Variants in MAPK10 observed in about 807,000 individuals in gnomAD.
MAPK10 encodes the protein JNK3 alpha protein kinase.
Under a neutral mutation model 59.3 loss-of-function variants are expected in MAPK10, and 25 were observed. The observed-to-expected ratio is 0.42, with a 90% confidence interval of 0.31 to 0.59. The LOEUF is 0.59. Ranked by LOEUF, MAPK10 falls within the 20% of genes least tolerant of loss-of-function variation. The pLI is 0.15. For synonymous variants in MAPK10, 190 were observed against 200.5 expected (o/e 0.95, Z 0.44); for missense variants, 351 against 568.9 (o/e 0.62, Z 3.90).
At chr4:86,180,413 A>G (rs1562774173) in intron 3 of MAPK10, among the ~76,000 whole-genome samples, 1 of 151,748 alleles carries the variant, frequency 6.6e-6, no homozygotes, top group East Asian at 1.9e-4. Flanking sequence ...CACTATGGAG[A>G]ACAGTATATA....
intron 1 of MAPK10, among the ~76,000 whole-genome samples, chr4:86,524,502 C>T (rs951469724): frequency 6.6e-6 from 1 of 152,176 alleles, no homozygotes; most frequent in South Asian, 2.1e-4. Context: ...TCTTCTCCCA[C>T]AATAATTTCA....
intron 2 of MAPK10, among the ~76,000 whole-genome samples, chr4:86,266,820 T>C (rs546268901): frequency 7.2e-5 from 11 of 152,208 alleles, no homozygotes; most frequent in Non-Finnish European, 7.4e-5. Context: ...ACCTAGGCAG[T>C]ATAAGATATT....
intron 2 of MAPK10, chr4:86,327,261 C>T (rs1336259044): frequency 2.0e-5 from 3 of 152,084 alleles, no homozygotes; most frequent in East Asian, 1.9e-4. Context: ...AGGCATGAGC[C>T]GCTGTGCCCA....
chr4:86,239,332 G>A (rs1206466058), intron 2 of MAPK10, among the ~76,000 whole-genome samples: 1 of 152,158 alleles, frequency 6.6e-6, no homozygotes, highest in African/African-American at 2.4e-5. Flanking sequence ...TCTTTTACAG[G>A]TTTTGGTATC....
intron 1 of MAPK10, among the ~76,000 whole-genome samples, chr4:86,469,252 A>C (rs1216324988): frequency 6.6e-6 from 1 of 152,198 alleles, no homozygotes; most frequent in African/African-American, 2.4e-5. Context: ...TTGTCTCAAA[A>C]AAACAAAACA....
intron 1 of MAPK10, among the ~76,000 whole-genome samples, chr4:86,368,585 A>C (rs1040521281): frequency 3.3e-5 from 5 of 152,178 alleles, no homozygotes; most frequent in African/African-American, 1.2e-4. Flanking sequence ...TACTATTAGA[A>C]TTCAACGGTA....
intron 1 of MAPK10, among the ~76,000 whole-genome samples, chr4:86,449,900 G>T (rs1356081098): frequency 6.6e-6 from 1 of 152,152 alleles, no homozygotes; most frequent in Non-Finnish European, 1.5e-5. Context: ...CTGGCTAATT[G>T]CCAGCAACAA....
At chr4:86,508,658 T>C (rs80240925) in intron 1 of MAPK10, among the ~76,000 whole-genome samples, 1 of 152,338 alleles carries the variant, frequency 6.6e-6, no homozygotes, top group East Asian at 1.9e-4. Context: ...GTAAATGATT[T>C]GGCTCTTTTT....
Position 86,494,842 on chromosome 4 carries a change from C to CA in MAPK10, c.-263+99067dup, listed in dbSNP as rs567947232. On this transcript the variant is annotated intron_variant, in intron 1 of 4. Coordinates refer to the MAPK10 transcript ENST00000502302. ...TGGGCGACAGAGAGAGACTCCGTCT[C>CA]AAAAAAAAAAAAAAAAAAAAAAAAA... is the stretch of plus-strand genomic sequence containing the variant. 4.9e-3 allele frequency among the ~76,000 whole-genome samples: 117 copies of CA among 23,984 alleles called. 42 individuals are homozygous for CA. Among genetic ancestry groups the CA allele is most frequent in the South Asian group, 7.2e-3 (2 of 278 alleles). The allele number at this position is 23,984 out of a possible 152,430, so 15.7% of individuals were successfully genotyped here.
intron 11 of MAPK10, among the ~76,000 whole-genome samples, chr4:86,053,660 C>G (rs3822037): frequency 0.94 from 143,389 of 152,208 alleles, 67,665 homozygotes; most frequent in Non-Finnish European, 0.96. Context: ...TAGAAGGAAT[C>G]CTAAAAAAGA....
intron 4 of MAPK10, among the ~76,000 whole-genome samples, chr4:86,121,993 T>C (rs1352432842): frequency 6.6e-6 from 1 of 152,132 alleles, no homozygotes; most frequent in Non-Finnish European, 1.5e-5. Context: ...AATCCTGCCA[T>C]TTAGTTCATC....
chr4:86,137,113 T>C (rs1458341600), intron 4 of MAPK10, among the ~76,000 whole-genome samples: 2 of 150,476 alleles, frequency 1.3e-5, no homozygotes, highest in African/African-American at 2.5e-5. Context: ...ACTGTCAACA[T>C]TAGACAGATC....
intron 4 of MAPK10, among the ~76,000 whole-genome samples, chr4:86,156,176 T>C (rs2067710235): frequency 6.6e-6 from 1 of 152,084 alleles, no homozygotes; most frequent in Non-Finnish European, 1.5e-5. Context: ...TGGATATATA[T>C]TCCATTTAAG....
chr4:86,482,730 T>C (rs1753701849), intron 1 of MAPK10, among the ~76,000 whole-genome samples: 1 of 152,162 alleles, frequency 6.6e-6, no homozygotes, highest in Non-Finnish European at 1.5e-5. Context: ...TTAAAACTGT[T>C]CATCCTGCCA....
intron 4 of MAPK10, among the ~76,000 whole-genome samples, chr4:86,114,010 T>C (rs2057937006): frequency 6.6e-6 from 1 of 152,220 alleles, no homozygotes; most frequent in African/African-American, 2.4e-5. Context: ...TATTTGGCTA[T>C]TGATACTTGT....
At chr4:86,071,318 A>T (rs1303496721) in intron 9 of MAPK10, among the ~76,000 whole-genome samples, 1 of 133,562 alleles carries the variant, frequency 7.5e-6, no homozygotes, top group African/African-American at 3.0e-5. Flanking sequence ...GTAGGTTGCG[A>T]ACATTTTCTC....
intron 2 of MAPK10, among the ~76,000 whole-genome samples, chr4:86,198,822 A>T (rs1213873630): frequency 6.6e-6 from 1 of 151,870 alleles, no homozygotes; most frequent in African/African-American, 2.4e-5. Flanking sequence ...ATACATATAA[A>T]CAGTGAAAAA....
chr4:86,062,091 T>C (rs796602586), intron 11 of MAPK10, among the ~76,000 whole-genome samples: 7 of 152,266 alleles, frequency 4.6e-5, no homozygotes, highest in African/African-American at 1.2e-4. Context: ...ACCACTGTAA[T>C]GCACTTCATA....
At chr4:86,475,555 C>G (rs1034493007) in intron 1 of MAPK10, among the ~76,000 whole-genome samples, 1 of 152,132 alleles carries the variant, frequency 6.6e-6, no homozygotes, top group Non-Finnish European at 1.5e-5. Flanking sequence ...GCGCCGGTCA[C>G]GGACTCGGGA....
Sources: allele counts gnomAD v4.1 joint callset (sites outside exome capture counted in the v4.1 genomes callset), GRCh38; gene constraint gnomAD v4.1.1; transcripts MANE v1.5; gene names NCBI Gene and HGNC (gene_info 2026-07-23, HGNC 2026-07-21).